AOPEP: variants seen among roughly 807,000 people sequenced by gnomAD.
AOPEP encodes the protein aminopeptidase O (putative).
In AOPEP, 77 loss-of-function variants were observed where a neutral mutation model predicts 98.1. The ratio of observed to expected loss-of-function variants is 0.78; its 90% CI spans 0.65 to 0.95. The LOEUF (loss-of-function observed/expected upper bound fraction) is 0.95. Among genes scored for constraint, AOPEP ranks in the 40% least tolerant of loss-of-function variants. AOPEP has a pLI of 0.00. For synonymous variants in AOPEP, 346 were observed against 365.3 expected, an observed-to-expected ratio of 0.95 and a Z score of 0.60; for missense variants, 1,024 against 1,024.7, an observed-to-expected ratio of 1.00 and a Z score of 0.01.
chr9:94,815,573 G>T (rs1054842753), intron 5 of AOPEP, among the ~76,000 whole-genome samples: 1 of 151,982 alleles, frequency 6.6e-6, no homozygotes, highest in Non-Finnish European at 1.5e-5. Context: ...CTATTCCTTT[G>T]GAGCTGAAGG....
At chr9:94,938,631 GC>G (rs2056623215) in intron 7 of AOPEP, among the ~76,000 whole-genome samples, 1 of 152,180 alleles carries the variant, frequency 6.6e-6, no homozygotes, top group Non-Finnish European at 1.5e-5. Context: ...GGAGAGGACA[GC>G]CACGAAAAGA....
the AOPEP span, among the ~76,000 whole-genome samples, chr9:95,137,274 A>G: frequency 6.6e-6 from 1 of 152,088 alleles, no homozygotes; most frequent in Non-Finnish European, 1.5e-5. Flanking sequence ...TGCTTGGTGT[A>G]GCTCCTGCAG....
At chr9:95,144,857 C>A in the AOPEP span, among the ~76,000 whole-genome samples, 1 of 152,164 alleles carries the variant, frequency 6.6e-6, no homozygotes, top group Non-Finnish European at 1.5e-5. Flanking sequence ...AGCGCCGCGC[C>A]GCACGTTCAC....
chr9:94,781,640 A>G (rs1843271745), intron 3 of AOPEP, among the ~76,000 whole-genome samples: 1 of 150,990 alleles, frequency 6.6e-6, no homozygotes, highest in Admixed American at 6.6e-5. Flanking sequence ...CGCTCACTGC[A>G]AGCTCTGCCT....
intron 9 of AOPEP, among the ~76,000 whole-genome samples, chr9:94,964,062 A>G (rs549432110): frequency 1.1e-4 from 16 of 152,244 alleles, no homozygotes; most frequent in Non-Finnish European, 1.9e-4. Context: ...GAGACCAGCT[A>G]TCTTGAATGG....
intron 7 of AOPEP, chr9:94,933,778 C>T (rs1040514099): frequency 2.4e-5 from 14 of 583,520 alleles, no homozygotes; most frequent in Admixed American, 1.9e-4. Flanking sequence ...GACAGAGTGT[C>T]GCTCTGTCTC....
intron 1 of AOPEP, among the ~76,000 whole-genome samples, chr9:94,747,215 A>G (rs1834706731): frequency 6.6e-6 from 1 of 152,186 alleles, no homozygotes; most frequent in Non-Finnish European, 1.5e-5. Context: ...GTTTGGCTTA[A>G]AGATTGGTCT....
chr9:94,993,626 C>T (rs1300672524), intron 11 of AOPEP, among the ~76,000 whole-genome samples: 1 of 152,130 alleles, frequency 6.6e-6, no homozygotes, highest in African/African-American at 2.4e-5. Context: ...AAGTGTGCTA[C>T]ATGCTAAAAA....
At chr9:94,895,547 C>T (rs2049430905) in intron 5 of AOPEP, among the ~76,000 whole-genome samples, 1 of 151,970 alleles carries the variant, frequency 6.6e-6, no homozygotes, top group Admixed American at 6.6e-5. Flanking sequence ...GGATTCTAGA[C>T]TCATGGTTAG....
chr9:95,074,077 T>C (rs2068792062), intron 14 of AOPEP, among the ~76,000 whole-genome samples: 1 of 152,188 alleles, frequency 6.6e-6, no homozygotes, highest in African/African-American at 2.4e-5. Flanking sequence ...CTGCCATGAA[T>C]GTGCTTGGAA....
intron 5 of AOPEP, among the ~76,000 whole-genome samples, chr9:94,899,666 C>A (rs1006783623): frequency 4.6e-5 from 7 of 151,670 alleles, no homozygotes. Context: ...GGGAGGATTG[C>A]GTGAACCCAG....
rs571786617 is a variant in AOPEP, at chr9:94,972,938, CAAAA to C, written c.1916+5144_1916+5147del. The stretch of plus-strand genomic sequence containing the variant: ...TGGGAGACAGAGTGAGACCCTGTCT[CAAAA>C]AAAAAAGGAAGAAAATAAGTAACTC... On this transcript the variant is annotated intron_variant, in intron 10 of 16. Coordinates refer to ENST00000375315, the MANE Select transcript of AOPEP (RefSeq NM_001193329.3). The surrounding 1 kb of genome is among the most constrained non-coding windows in gnomAD (Gnocchi z 4.2). Among the ~76,000 whole-genome samples, 208 of 142,900 alleles carry C rather than the reference CAAAA, an allele frequency of 1.5e-3. 1 individual carries two copies. Among genetic ancestry groups the C allele is most frequent in the African/African-American group, 5.2e-3 (203 of 38,720 alleles). The allele number at this position is 142,900 out of a possible 152,430, so 93.7% of individuals were successfully genotyped here. A position where few individuals can be genotyped will look rare whatever the true frequency, so the allele number is the denominator to read the frequency against.
chr9:95,048,688 G>GT lies in AOPEP; in HGVS notation c.2116-12006_2116-12005insT, dbSNP rs915910935. 3.2e-4 allele frequency: 48 copies of GT among 152,218 alleles called. 1 individual carries two copies. Among genetic ancestry groups the GT allele is most frequent in the Admixed American group, 2.9e-3 (45 of 15,292 alleles). 9.4% of individuals were successfully genotyped at this position (152,218 alleles called of 1,614,324 possible). A position where few individuals can be genotyped will look rare whatever the true frequency, so the allele number is the denominator to read the frequency against. On this transcript the variant is annotated intron_variant, in intron 13 of 16. Transcript: ENST00000375315. ...AGCGGGGCTGCTATGTCCCTCGGGC[G>GT]CGCTTTGGGACGTTGCTGAGTGGCT... is the stretch of plus-strand genomic sequence containing the variant.
chr9:95,073,573 C>G (rs556473021), intron 14 of AOPEP, among the ~76,000 whole-genome samples: 6 of 149,322 alleles, frequency 4.0e-5, no homozygotes, highest in Admixed American at 6.6e-5. Context: ...GTAATCCCAG[C>G]AGGCCGGGCG....
At chr9:95,083,568 C>T (rs1262927382) in intron 16 of AOPEP, among the ~76,000 whole-genome samples, 1 of 150,876 alleles carries the variant, frequency 6.6e-6, no homozygotes, top group Non-Finnish European at 1.5e-5. Flanking sequence ...CCACACACAG[C>T]GCATGCACAA....
At chr9:95,065,740 G>GACAC (rs2067820165) in intron 14 of AOPEP, among the ~76,000 whole-genome samples, 1 of 152,206 alleles carries the variant, frequency 6.6e-6, no homozygotes. Context: ...AGGGCAAGTT[G>GACAC]ACACTTGCCA....
intron 5 of AOPEP, among the ~76,000 whole-genome samples, chr9:94,813,345 T>A (rs391784): frequency 0.68 from 103,257 of 152,014 alleles, 35,946 homozygotes; most frequent in African/African-American, 0.84. Context: ...CAGTGTCTGG[T>A]TTGATGAAGG....
At chr9:94,916,348 C>G (rs2052794111) in intron 5 of AOPEP, among the ~76,000 whole-genome samples, 1 of 152,108 alleles carries the variant, frequency 6.6e-6, no homozygotes, top group Admixed American at 6.5e-5. Context: ...TACTTACTTA[C>G]CAGAAGAGTT....
intron 10 of AOPEP, among the ~76,000 whole-genome samples, chr9:94,968,659 T>C (rs1290024614): frequency 2.0e-5 from 3 of 152,240 alleles, no homozygotes; most frequent in Non-Finnish European, 4.4e-5. Flanking sequence ...TTGCCACTTC[T>C]TAACTGTGAC....
Sources: allele counts gnomAD v4.1 joint callset (sites outside exome capture counted in the v4.1 genomes callset), GRCh38; gene constraint gnomAD v4.1.1; non-coding constraint Gnocchi (gnomAD v3.1); transcripts MANE v1.5; gene names NCBI Gene and HGNC (gene_info 2026-07-23, HGNC 2026-07-21).